Variants in RBFOX1 observed in about 807,000 individuals in gnomAD.
RBFOX1 encodes RNA binding protein fox-1 homolog 1.
RBFOX1 carries 8 observed loss-of-function variants against 57.7 expected under a neutral mutation model. The observed-to-expected ratio is 0.14, with a 90% CI of 0.08 to 0.25. The LOEUF (loss-of-function observed/expected upper bound fraction) is 0.25, where lower values mean the gene tolerates loss of function less well. Ranked by LOEUF, RBFOX1 falls within the 10% of genes least tolerant of loss-of-function variation. The probability of loss-of-function intolerance (pLI) is 1.00; values close to 1 mark genes in which losing one functional copy is unlikely to be tolerated. For synonymous variants in RBFOX1, 326 were observed against 222.4 expected, an observed-to-expected ratio of 1.47 and a Z score of -4.15; for missense variants, 611 against 548.5, an observed-to-expected ratio of 1.11 and a Z score of -1.14.
intron 2 of RBFOX1, among the ~76,000 whole-genome samples, chr16:6,606,978 T>C (rs1008553926): frequency 6.6e-6 from 1 of 152,198 alleles, no homozygotes; most frequent in East Asian, 1.9e-4. Context: ...CCACTAACAG[T>C]GTAAAAGCAT....
intron 1 of RBFOX1, among the ~76,000 whole-genome samples, chr16:5,258,433 C>T (rs1045218206): frequency 3.9e-5 from 6 of 152,226 alleles, no homozygotes; most frequent in African/African-American, 1.4e-4. Context: ...TGATCATTGT[C>T]ATACCTAATC....
At chr16:6,991,844 T>G (rs892070330) in intron 3 of RBFOX1, among the ~76,000 whole-genome samples, 18 of 152,150 alleles carry the variant, frequency 1.2e-4, no homozygotes, top group Middle Eastern at 3.2e-3. Flanking sequence ...CCAGCCCACT[T>G]CTGAAATGTT....
At chr16:7,065,796 T>C (rs1338699053) in intron 4 of RBFOX1, among the ~76,000 whole-genome samples, 3 of 152,132 alleles carry the variant, frequency 2.0e-5, no homozygotes, top group African/African-American at 7.2e-5. Flanking sequence ...TTGACCAATA[T>C]CTCCTAAATC....
At chr16:7,229,286 T>G (rs949744406) in intron 4 of RBFOX1, among the ~76,000 whole-genome samples, 4 of 152,170 alleles carry the variant, frequency 2.6e-5, no homozygotes, top group Non-Finnish European at 5.9e-5. Flanking sequence ...TCCTCCTAAG[T>G]TGAGGAGACC....
intron 4 of RBFOX1, among the ~76,000 whole-genome samples, chr16:7,492,262 A>G (rs1053366439): frequency 6.6e-6 from 1 of 152,234 alleles, no homozygotes; most frequent in African/African-American, 2.4e-5. Flanking sequence ...AAAGGAATGC[A>G]GATTAGCAGA....
At chr16:6,613,362 C>G (rs867903510) in intron 2 of RBFOX1, among the ~76,000 whole-genome samples, 1 of 151,978 alleles carries the variant, frequency 6.6e-6, no homozygotes, top group African/African-American at 2.4e-5. Flanking sequence ...GTTCTTAGCA[C>G]ACAGAAAATC....
chr16:7,006,935 A>T (rs1299036504), intron 3 of RBFOX1, among the ~76,000 whole-genome samples: 1 of 152,040 alleles, frequency 6.6e-6, no homozygotes, highest in Non-Finnish European at 1.5e-5. Context: ...TGTCTCTTCC[A>T]TGTTTTCGTA....
intron 2 of RBFOX1, among the ~76,000 whole-genome samples, chr16:6,346,608 G>A (rs1599880420): frequency 3.9e-5 from 6 of 152,192 alleles, no homozygotes; most frequent in Admixed American, 3.9e-4. Flanking sequence ...AACTCTTCTG[G>A]TTCCGATGGC....
chr16:6,973,779 TTTTTA>T (rs750073409), intron 3 of RBFOX1, among the ~76,000 whole-genome samples: 3 of 152,128 alleles, frequency 2.0e-5, no homozygotes, highest in Admixed American at 6.6e-5. Flanking sequence ...TAGTTTTTAA[TTTTTA>T]TTTTTTTAAG....
intron 4 of RBFOX1, among the ~76,000 whole-genome samples, chr16:5,903,724 C>G (rs1261392441): frequency 2.0e-5 from 3 of 152,152 alleles, no homozygotes; most frequent in Admixed American, 6.5e-5. Flanking sequence ...ACCACTTTGT[C>G]TCTCCTCCTC....
intron 2 of RBFOX1, among the ~76,000 whole-genome samples, chr16:5,506,052 C>G (rs979934922): frequency 6.6e-6 from 1 of 152,188 alleles, no homozygotes; most frequent in Non-Finnish European, 1.5e-5. Flanking sequence ...GTCCTAGACT[C>G]TGAAACCTCA....
chr16:6,615,407 T>C (rs558284003), intron 2 of RBFOX1, among the ~76,000 whole-genome samples: 1 of 152,194 alleles, frequency 6.6e-6, no homozygotes, highest in South Asian at 2.1e-4. Flanking sequence ...CCGTCTCTAC[T>C]AAAAATACAA....
intron 1 of RBFOX1, among the ~76,000 whole-genome samples, chr16:6,219,863 C>A (rs1401554870): frequency 6.6e-6 from 1 of 151,910 alleles, no homozygotes; most frequent in African/African-American, 2.4e-5. Flanking sequence ...GCAACAAGAG[C>A]AAAACTGCAT....
intron 3 of RBFOX1, among the ~76,000 whole-genome samples, chr16:5,790,948 A>C (rs1206682925): frequency 2.7e-5 from 4 of 150,518 alleles, no homozygotes; most frequent in Non-Finnish European, 5.9e-5. Context: ...GGCACACTGC[A>C]ACCTCTGCTT....
intron 4 of RBFOX1, among the ~76,000 whole-genome samples, chr16:7,288,898 G>C (rs1254790397): frequency 6.6e-6 from 1 of 152,218 alleles, no homozygotes; most frequent in East Asian, 1.9e-4. Flanking sequence ...CTTCTTGATA[G>C]GACATTGGCT....
chr16:7,703,162 T>A (rs1214356260), intron 14 of RBFOX1, among the ~76,000 whole-genome samples: 1 of 152,226 alleles, frequency 6.6e-6, no homozygotes, highest in Non-Finnish European at 1.5e-5. Flanking sequence ...GCGACTTGCA[T>A]GGATTCATTT....
intron 10 of RBFOX1, among the ~76,000 whole-genome samples, chr16:7,617,902 T>A (rs2058715590): frequency 6.6e-6 from 1 of 152,080 alleles, no homozygotes; most frequent in Non-Finnish European, 1.5e-5. Context: ...AGAGTTCACC[T>A]GGTAAGAAAG....
intron 4 of RBFOX1, among the ~76,000 whole-genome samples, chr16:7,487,953 A>G (rs2065859134): frequency 6.6e-6 from 1 of 151,478 alleles, no homozygotes; most frequent in African/African-American, 2.4e-5. Context: ...CTTGGAATGG[A>G]TTTTTTTTTC....
At chr16:6,917,532 C>T (rs1224153336) in intron 3 of RBFOX1, among the ~76,000 whole-genome samples, 10 of 152,178 alleles carry the variant, frequency 6.6e-5, no homozygotes, top group African/African-American at 2.4e-4. Flanking sequence ...AAAGGAAGAT[C>T]AATGCTAACA....
Sources: gnomAD v4.1 joint callset for allele counts (sites outside exome capture counted in the v4.1 genomes callset) on GRCh38, gnomAD v4.1.1 for gene constraint, MANE v1.5 for transcripts, NCBI Gene and HGNC (gene_info 2026-07-23, HGNC 2026-07-21) for gene names.